ATP13A3: variants seen among roughly 807,000 people sequenced by gnomAD.
ATP13A3 encodes the protein polyamine-transporting ATPase 13A3.
Under a neutral mutation model 158.1 loss-of-function variants are expected in ATP13A3, and 59 were observed. That is an observed-to-expected ratio of 0.37 (90% CI 0.30 to 0.46). ATP13A3 has a LOEUF of 0.46. ATP13A3 is among the 20% of genes least tolerant of loss of function. ATP13A3 has a pLI of 1.00. For synonymous variants in ATP13A3, 491 were observed against 504.3 expected, an observed-to-expected ratio of 0.97 and a Z score of 0.35; for missense variants, 1,166 against 1,525.2, an observed-to-expected ratio of 0.76 and a Z score of 3.92.
Position 194,425,391 on chromosome 3 carries a change from T to G in ATP13A3, c.3264A>C (p.Ala1088=), listed in dbSNP as rs758555811. 1 of 1,612,644 alleles carries G rather than the reference T, an allele frequency of 6.2e-7. No individual in the cohort carries two copies. The change falls in exon 30 of 34, where the codon GCA becomes GCC. Residue 1088 remains alanine, a synonymous_variant. Transcript: ENST00000645319. The stretch of plus-strand genomic sequence containing the variant: ...AGGGTTTTCCTTTTGAAAAGGCAAT[T>G]GCCACTATGAGGTACTGAAAACTGG... The part of the protein sequence containing the change: ...FISSFQYLIV[A]IAFSKGKPFR...
At chr3:194,457,785 C>CTTT (rs147162535) in intron 6 of ATP13A3, among the ~76,000 whole-genome samples, 18 of 127,900 alleles carry the variant, frequency 1.4e-4, no homozygotes, top group South Asian at 4.9e-4. Flanking sequence ...CTTAATTATG[C>CTTT]TTTTTTTTTT....
chr3:194,437,866 AAAT>A (rs1717769113), intron 17 of ATP13A3, among the ~76,000 whole-genome samples: 1 of 152,210 alleles, frequency 6.6e-6, no homozygotes, highest in African/African-American at 2.4e-5. Flanking sequence ...AAAAATTAAA[AAAT>A]AATAGGCTGG....
chr3:194,437,636 GA>G (rs1717754086), intron 17 of ATP13A3, 63 bp from the exon 18 acceptor site: 1 of 1,460,750 alleles, frequency 6.8e-7, no homozygotes, highest in South Asian at 1.3e-5. Context: ...ACTAAAGTTA[GA>G]AAAAGTTTAC....
chr3:194,473,883 A>C (rs1248190758), intron 2 of ATP13A3, among the ~76,000 whole-genome samples: 2 of 152,212 alleles, frequency 1.3e-5, no homozygotes, highest in Admixed American at 1.3e-4. Flanking sequence ...ATATATAAAA[A>C]CAGGAAAAAA....
chr3:194,453,238 C>G (rs1364817771), intron 10 of ATP13A3, among the ~76,000 whole-genome samples: 1 of 148,442 alleles, frequency 6.7e-6, no homozygotes, highest in African/African-American at 2.5e-5. Context: ...TAAGTTGAGC[C>G]ACTGCACTCA....
Position 194,493,022 on chromosome 3 carries a change from G to T in ATP13A3, n.746+1028C>A, listed in dbSNP as rs547436361. Among the ~76,000 whole-genome samples, 3 of 152,048 alleles carry T rather than the reference G, an allele frequency of 2.0e-5. No individual in the cohort carries two copies. The South Asian group carries it at 6.2e-4, about 32-fold the overall frequency. ...TGCCTGTAGTCCCAGCTACTTGGGA[G>T]GCTGAGGTGGGAGGATTTCTAGGAT... is the stretch of plus-strand genomic sequence containing the variant. On this transcript the variant is annotated intron_variant and non_coding_transcript_variant, in intron 2 of 32. Transcript: ENST00000687055.
chr3:194,420,026 C>T, intron 30 of ATP13A3, 59 bp from the exon 31 acceptor site: 1 of 1,433,556 alleles, frequency 7.0e-7, no homozygotes, highest in Non-Finnish European at 9.1e-7. Context: ...TATAAAAAGG[C>T]ATCCAATAAC....
chr3:194,430,075 A>G lies in ATP13A3; in HGVS notation c.2774T>C (p.Ile925Thr), dbSNP rs1476177952. The G allele has an allele frequency of 6.2e-7, 1 of 1,612,698 alleles. No individual in the cohort carries two copies. Among genetic ancestry groups the G allele is most frequent in the Non-Finnish European group, 8.5e-7 (1 of 1,179,160 alleles). Residue 925 changes from isoleucine (I) to threonine (T), a missense_variant, in exon 26 of 34, where the codon ATC becomes ACC. Physicochemically the swap from Ile to Thr is moderately conservative, Grantham distance 89. This residue lies in a region of ATP13A3 where 997 missense variants were observed against 1,341.2 expected (regional missense o/e 0.74). Coordinates refer to ENST00000645319, the MANE Select transcript of ATP13A3 (RefSeq NM_001367549.1). ...TPSISCVPNLIREGRAALITS... is the reference protein window; with the variant it reads ...TPSISCVPNLTREGRAALITS... ...GAAAAATTTTAATTTGTACTACCTG[A>G]TAAGGTTTGGCACACAGGAAATACT...
In ATP13A3 at chr3:194,437,412, T is replaced by C. The variant is rs1158008500; in HGVS notation, c.1898A>G (p.Gln633Arg). Residue 633 changes from glutamine to arginine, a missense_variant, in exon 19 of 34, where the codon CAA becomes CGA. By Grantham distance (43) the Gln-to-Arg change is conservative (BLOSUM62 1). This residue lies in a region of ATP13A3 where 997 missense variants were observed against 1,341.2 expected (regional missense o/e 0.74). Coordinates refer to ENST00000645319, the MANE Select transcript of ATP13A3 (RefSeq NM_001367549.1). The stretch of plus-strand genomic sequence containing the variant: ...CACCCTGGCAACCACACTCATACGT[T>C]GCAAAGCAGAAGAAAATGGGAACTG... ...VRQFPFSSALQRMSVVARVLG... is the reference protein window; with the variant it reads ...VRQFPFSSALRRMSVVARVLG... The C allele has an allele frequency of 2.2e-5, 36 of 1,614,074 alleles. No homozygotes were observed. Among genetic ancestry groups the C allele is most frequent in the Non-Finnish European group, 2.9e-5 (34 of 1,180,046 alleles).
chr3:194,403,529 C>A lies in ATP13A3; in HGVS notation c.*2390G>T, dbSNP rs1217750431. On this transcript the variant is annotated 3_prime_UTR_variant, in exon 34 of 34. Transcript: ENST00000645319. ...CATATCATTATTTAACAATTACTTTCCCAGACATTTCTGTCCTTTAAGTAT... is the reference window on the plus strand; with the variant it reads ...CATATCATTATTTAACAATTACTTTACCAGACATTTCTGTCCTTTAAGTAT... 1 of 152,184 alleles carries A rather than the reference C, an allele frequency of 6.6e-6. No homozygotes were observed. The highest frequency in any genetic ancestry group is 1.5e-5 in the Non-Finnish European group (1 of 68,026). 9.4% of individuals were successfully genotyped at this position (152,184 alleles called of 1,614,324 possible). A position where few individuals can be genotyped will look rare whatever the true frequency, so the allele number is the denominator to read the frequency against.
intron 16 of ATP13A3, among the ~76,000 whole-genome samples, 165 bp from the exon 17 acceptor site, chr3:194,439,137 A>G (rs527372052): frequency 1.3e-5 from 2 of 152,354 alleles, no homozygotes; most frequent in South Asian, 2.1e-4. Flanking sequence ...GATCACTAAC[A>G]TAAGTAAAAG....
intron 16 of ATP13A3, 115 bp downstream of exon 16, chr3:194,441,196 G>C (rs1718029192): frequency 7.7e-6 from 6 of 780,926 alleles, no homozygotes; most frequent in Non-Finnish European, 1.2e-5. Context: ...CTCCTTTTAG[G>C]GTACAAGATA....
chr3:194,403,036 T>C lies in ATP13A3; in HGVS notation c.*2883A>G, dbSNP rs1194083726. 6.6e-6 allele frequency: 1 copy of C among 152,174 alleles called. No individual in the cohort carries two copies. Among genetic ancestry groups the C allele is most frequent in the Non-Finnish European group, 1.5e-5 (1 of 68,032 alleles). 9.4% of individuals were successfully genotyped at this position (152,174 alleles called of 1,614,324 possible). A position where few individuals can be genotyped will look rare whatever the true frequency, so the allele number is the denominator to read the frequency against. ...TCCCAACCACCTCCCACCATAAATATACAAAAACCTATTTTTAGATATGTC... is the reference window on the plus strand; with the variant it reads ...TCCCAACCACCTCCCACCATAAATACACAAAAACCTATTTTTAGATATGTC... On this transcript the variant is annotated 3_prime_UTR_variant, in exon 34 of 34. Transcript: ENST00000645319.
chr3:194,492,613 C>A (rs1273118325), intron 2 of ATP13A3, among the ~76,000 whole-genome samples: 1 of 152,018 alleles, frequency 6.6e-6, no homozygotes, highest in Non-Finnish European at 1.5e-5. Context: ...CGCCACCAGG[C>A]CCAGCTAATT....
In ATP13A3 at chr3:194,473,731, G is replaced by C. The variant is rs569896255; in HGVS notation, c.-46-11495C>G. On this transcript the variant is annotated intron_variant, in intron 2 of 33. Coordinates refer to ENST00000645319, the MANE Select transcript of ATP13A3 (RefSeq NM_001367549.1). ...ATATAGGTACATAGGAACAAAACAT[G>C]TATATTGCAGCACTGTTTGCAGCAG... is the stretch of plus-strand genomic sequence containing the variant. 2.0e-4 allele frequency among the ~76,000 whole-genome samples: 31 copies of C among 152,240 alleles called. No homozygotes were observed. In the South Asian group the frequency reaches 6.0e-3, roughly 30 times the overall value.
chr3:194,461,664 T>C (rs1719671660), intron 3 of ATP13A3, among the ~76,000 whole-genome samples: 1 of 152,216 alleles, frequency 6.6e-6, no homozygotes, highest in African/African-American at 2.4e-5. Flanking sequence ...TTTGGACATA[T>C]TTATACTAAA....
intron 17 of ATP13A3, 33 bp from the exon 18 acceptor site, chr3:194,437,606 C>A (rs369610127): frequency 6.4e-7 from 1 of 1,568,564 alleles, no homozygotes; most frequent in Non-Finnish European, 8.7e-7. Context: ...AAAAATAGTA[C>A]AGATTAACTC....
chr3:194,438,159 C>CA (rs1227122751), intron 17 of ATP13A3, among the ~76,000 whole-genome samples: 1 of 151,684 alleles, frequency 6.6e-6, no homozygotes, highest in Non-Finnish European at 1.5e-5. Flanking sequence ...GACTCCAGCT[C>CA]AAAAAATAAT....
intron 2 of ATP13A3, among the ~76,000 whole-genome samples, chr3:194,471,522 T>C (rs971347221): frequency 4.6e-5 from 7 of 151,936 alleles, no homozygotes; most frequent in Admixed American, 3.9e-4. Flanking sequence ...CCCAGCAAAT[T>C]TGTTGTGCTT....
Sources: allele counts gnomAD v4.1 joint callset (sites outside exome capture counted in the v4.1 genomes callset), GRCh38; gene constraint gnomAD v4.1.1; regional missense constraint gnomAD v4.1.1; transcripts MANE v1.5; gene names NCBI Gene and HGNC (gene_info 2026-07-23, HGNC 2026-07-21).